Variants in FAM131B observed in about 807,000 individuals in gnomAD.
FAM131B encodes family with sequence similarity 131 member B.
In FAM131B, 19 loss-of-function variants were observed where a neutral mutation model predicts 42.0. The observed-to-expected ratio is 0.45, with a 90% CI of 0.32 to 0.66. The LOEUF (loss-of-function observed/expected upper bound fraction) is 0.66. FAM131B is among the 30% of genes least tolerant of loss of function. The pLI is 0.05. For missense variants in FAM131B, 370 were observed against 468.4 expected (o/e 0.79, Z 1.94); for synonymous variants, 183 against 177.6 (o/e 1.03, Z -0.24).
the FAM131B span, among the ~76,000 whole-genome samples, chr7:143,371,137 T>C: frequency 1.3e-5 from 2 of 152,154 alleles, no homozygotes; most frequent in African/African-American, 4.8e-5. Context: ...CTACCTACTC[T>C]ATGTCAGTAC....
upstream of FAM131B, among the ~76,000 whole-genome samples, chr7:143,366,361 C>A (rs1387019270): frequency 1.3e-5 from 2 of 152,140 alleles, no homozygotes; most frequent in African/African-American, 4.8e-5. Flanking sequence ...CCCTACTTAT[C>A]AATGTCCTTG....
the FAM131B span, chr7:143,382,089 C>G: frequency 1.5e-6 from 1 of 659,530 alleles, no homozygotes; most frequent in South Asian, 2.0e-5. Flanking sequence ...CTTTCCTGAC[C>G]TGGTACTCCC....
Position 143,359,194 on chromosome 7 carries a change from C to A in FAM131B, c.268+132G>T. 1 of 1,022,196 alleles carries A rather than the reference C, an allele frequency of 9.8e-7. No homozygotes were observed. Among genetic ancestry groups the A allele is most frequent in the Non-Finnish European group, 1.5e-6 (1 of 680,106 alleles). 63.3% of individuals were successfully genotyped at this position (1,022,196 alleles called of 1,614,324 possible). A position where few individuals can be genotyped will look rare whatever the true frequency, so the allele number is the denominator to read the frequency against. On this transcript the variant is annotated intron_variant, in intron 4 of 6. Coordinates refer to ENST00000443739, the MANE Select transcript of FAM131B (RefSeq NM_001031690.3). The surrounding 1 kb of genome is among the most constrained non-coding windows in gnomAD (Gnocchi z 5.4). ...AGGGAATGGCCTGGAGGATGGGAGGCTTGACAGAAGGGTGAATAGGTCAGG... is the reference window on the plus strand; with the variant it reads ...AGGGAATGGCCTGGAGGATGGGAGGATTGACAGAAGGGTGAATAGGTCAGG...
rs772207803 is a variant in FAM131B at position 143,357,429 on chromosome 7, G to T, written c.467-6C>A. 1 of 1,602,830 alleles carries T rather than the reference G, an allele frequency of 6.2e-7. No individual in the cohort carries two copies. Among genetic ancestry groups the T allele is most frequent in the Non-Finnish European group, 8.5e-7 (1 of 1,175,176 alleles). ...AGCAAACTGCTCCATGACGCCTGGGGGAAGAAATGCAACAACCACAAAATA... is the reference window on the plus strand; with the variant it reads ...AGCAAACTGCTCCATGACGCCTGGGTGAAGAAATGCAACAACCACAAAATA... On this transcript the variant is annotated splice_region_variant and splice_polypyrimidine_tract_variant and intron_variant, in intron 5 of 6. Coordinates refer to ENST00000443739, the MANE Select transcript of FAM131B (RefSeq NM_001031690.3).
chr7:143,357,049 G>T, intron 6 of FAM131B, 27 bp from the exon 7 acceptor site: 1 of 1,529,292 alleles, frequency 6.5e-7, no homozygotes, highest in Non-Finnish European at 9.1e-7. Flanking sequence ...GGAGGTCAGT[G>T]GGGCCACAGA....
rs1057033392 is a variant in FAM131B at position 143,356,627 on chromosome 7, G to C, written c.1006C>G (p.Leu336Val). ...PREDPEMSTA[L>V]SRKVSDVTSS... The stretch of plus-strand genomic sequence containing the variant: ...GTGACGTCAGACACCTTCCGGCTGA[G>C]AGCGGTAGACATCTCAGGGTCTTCT... The change falls in exon 7 of 7, where the codon CTC (leucine) becomes GTC (valine). Residue 336 changes from leucine (L) to valine (V), a missense_variant. Leu to Val is a conservative substitution (Grantham distance 32). Coordinates refer to ENST00000443739, the MANE Select transcript of FAM131B (RefSeq NM_001031690.3). The surrounding 1 kb of genome is among the most constrained non-coding windows in gnomAD (Gnocchi z 4.4). 6 of 1,613,962 alleles carry C rather than the reference G, an allele frequency of 3.7e-6. No homozygotes were observed. The highest frequency in any genetic ancestry group is 1.3e-5 in the African/African-American group (1 of 74,882).
Position 143,362,441 on chromosome 7 carries a change from A to C in FAM131B, c.28+135T>G, listed in dbSNP as rs1804046650. 1 of 347,486 alleles carries C rather than the reference A, an allele frequency of 2.9e-6. No individual in the cohort carries two copies. 21.5% of individuals were successfully genotyped at this position (347,486 alleles called of 1,614,324 possible). On this transcript the variant is annotated intron_variant, in intron 1 of 6. Transcript: ENST00000443739. This position sits in a 1 kb window ranked among gnomAD's most constrained non-coding sequence, Gnocchi z 7.7. ...GACAGAGGGACCGCGGGCGGACGGA[A>C]GGAAAGTGAAGGAGCTAGCAGGGCA...
Position 143,358,482 on chromosome 7 carries a change from G to C in FAM131B, c.466+345C>G, listed in dbSNP as rs117090328. ...ATGCTAAAGGGCAAAGGCTAAAAGA[G>C]ATCCCCAAGGCCTTTCTTTCTTTCA... On this transcript the variant is annotated intron_variant, in intron 5 of 6. Transcript: ENST00000443739. The surrounding 1 kb of genome is among the most constrained non-coding windows in gnomAD (Gnocchi z 4.7). Among the ~76,000 whole-genome samples the C allele has an allele frequency of 0.027, 4,163 of 152,274 alleles. 76 individuals are homozygous for C. The highest frequency in any genetic ancestry group is 0.043 in the Non-Finnish European group (2,958 of 68,012).
At position 143,356,350 on chromosome 7, in the gene FAM131B, T is replaced by A. The variant is rs1803652019; in HGVS notation, c.*200A>T. 3.5e-6 allele frequency: 2 copies of A among 572,292 alleles called. No individual in the cohort carries two copies. Among genetic ancestry groups the A allele is most frequent in the African/African-American group, 1.9e-5 (1 of 52,922 alleles). The allele number at this position is 572,292 out of a possible 1,614,324, so 35.5% of individuals were successfully genotyped here. On this transcript the variant is annotated 3_prime_UTR_variant, in exon 7 of 7. Transcript: ENST00000443739. This position sits in a 1 kb window ranked among gnomAD's most constrained non-coding sequence, Gnocchi z 4.4. ...GGCCATCTAGTTGCCCAGGTCTCAG[T>A]TCCCAGGCCTGTGGGTTTCTAGAGT...
intron 5 of FAM131B, 88 bp from the exon 6 acceptor site, chr7:143,357,511 G>T: frequency 9.0e-7 from 1 of 1,106,828 alleles, no homozygotes. Flanking sequence ...GTGCAGCACT[G>T]TTCAGTAGAA....
At chr7:143,374,226 C>A in the FAM131B span, among the ~76,000 whole-genome samples, 1 of 152,118 alleles carries the variant, frequency 6.6e-6, no homozygotes, top group Non-Finnish European at 1.5e-5. Flanking sequence ...ATTCTCAGTA[C>A]GTCCAGAATG....
Position 143,362,606 on chromosome 7 carries a change from C to G in FAM131B, c.-3G>C. ...GTCCGGGAGCCGATGCAGCCCATGG[C>G]TCCGGGGGCCGCAGAGCCGGGCCCT... On this transcript the variant is annotated 5_prime_UTR_variant, in exon 1 of 7. Transcript: ENST00000443739. The surrounding 1 kb of genome is among the most constrained non-coding windows in gnomAD (Gnocchi z 7.7). The G allele has an allele frequency of 8.2e-7, 1 of 1,216,888 alleles. No homozygotes were observed. Among genetic ancestry groups the G allele is most frequent in the Non-Finnish European group, 1.0e-6 (1 of 978,244 alleles). The allele number at this position is 1,216,888 out of a possible 1,614,324, so 75.4% of individuals were successfully genotyped here. A position where few individuals can be genotyped will look rare whatever the true frequency, so the allele number is the denominator to read the frequency against.
At chr7:143,374,622 G>A in the FAM131B span, among the ~76,000 whole-genome samples, 21 of 152,240 alleles carry the variant, frequency 1.4e-4, no homozygotes, top group East Asian at 4.1e-3. Context: ...CCTTTCACAT[G>A]CTCTGCAACC....
chr7:143,354,221 G>T lies in FAM131B; in HGVS notation c.*2329C>A, dbSNP rs996481271. On this transcript the variant is annotated 3_prime_UTR_variant, in exon 7 of 7. Coordinates refer to ENST00000443739, the MANE Select transcript of FAM131B (RefSeq NM_001031690.3). ...TATGCCAGCACCCTGGGGAAAGCAG[G>T]TTCATGTATGAACCCTGCTAGAGTC... 6.6e-6 allele frequency: 1 copy of T among 152,480 alleles called. No homozygotes were observed. Among genetic ancestry groups the T allele is most frequent in the African/African-American group, 2.4e-5 (1 of 41,414 alleles). The allele number at this position is 152,480 out of a possible 1,614,324, so 9.4% of individuals were successfully genotyped here.
chr7:143,372,822 C>G, the FAM131B span, among the ~76,000 whole-genome samples: 7 of 151,828 alleles, frequency 4.6e-5, no homozygotes, highest in Non-Finnish European at 4.4e-5. Context: ...AACCAGGTGT[C>G]GTGGTGGGCA....
rs1803840053 is a variant in FAM131B, at chr7:143,359,372, G to A, written c.222C>T (p.Asn74=). 1 of 1,613,794 alleles carries A rather than the reference G, an allele frequency of 6.2e-7. No homozygotes were observed. ...GGGCCCCAATGCCATAGGCGTTAGA[G>A]TTTCGCTTAAGCTTCGGAAGAATGG... ...TTSILPKLKR[N]SNAYGIGALA... Residue 74 remains asparagine (N), a synonymous_variant, in exon 4 of 7, where the codon AAC becomes AAT. Transcript: ENST00000443739. This position sits in a 1 kb window ranked among gnomAD's most constrained non-coding sequence, Gnocchi z 5.4.
At position 143,356,590 on chromosome 7, in the gene FAM131B, A is replaced by G; in HGVS notation, c.1043T>C (p.Val348Ala). The G allele has an allele frequency of 6.2e-7, 1 of 1,613,940 alleles. No individual in the cohort carries two copies. Among genetic ancestry groups the G allele is most frequent in the Non-Finnish European group, 8.5e-7 (1 of 1,179,970 alleles). The change falls in exon 7 of 7, where the codon GTG becomes GCG. Residue 348 changes from valine to alanine, a missense_variant. Coordinates refer to ENST00000443739, the MANE Select transcript of FAM131B (RefSeq NM_001031690.3). The surrounding 1 kb of genome is among the most constrained non-coding windows in gnomAD (Gnocchi z 4.4). ...RKVSDVTSSG[V>A]QSFDEEEGEA... ...GCCTTCCTCCTCATCAAAGGACTGC[A>G]CACCTGAGGATGTGACGTCAGACAC...
chr7:143,356,785 C>A lies in FAM131B; in HGVS notation c.848G>T (p.Gly283Val), dbSNP rs751031744. The A allele has an allele frequency of 1.2e-6, 2 of 1,613,930 alleles. No homozygotes were observed. The highest frequency in any genetic ancestry group is 2.7e-5 in the African/African-American group (2 of 74,898). ...SALEPPPLLG[G>V]DTDWAPGVGA... ...TACCCCCGGAGCCCAGTCAGTGTCTCCCCCCAGCAAAGGTGGAGGCTCCAG... is the reference window on the plus strand; with the variant it reads ...TACCCCCGGAGCCCAGTCAGTGTCTACCCCCAGCAAAGGTGGAGGCTCCAG... The change falls in exon 7 of 7, where the codon GGA (glycine) becomes GTA (valine). Residue 283 changes from glycine (G) to valine (V), a missense_variant. Coordinates refer to ENST00000443739, the MANE Select transcript of FAM131B (RefSeq NM_001031690.3). This position sits in a 1 kb window ranked among gnomAD's most constrained non-coding sequence, Gnocchi z 4.4.
the FAM131B span, chr7:143,381,705 A>G: frequency 6.2e-7 from 1 of 1,604,472 alleles, no homozygotes; most frequent in Non-Finnish European, 8.5e-7. Flanking sequence ...GGGGACAGCG[A>G]GCCTCCCCCG....
Sources: allele counts gnomAD v4.1 joint callset (sites outside exome capture counted in the v4.1 genomes callset), GRCh38; gene constraint gnomAD v4.1.1; non-coding constraint Gnocchi (gnomAD v3.1); transcripts MANE v1.5; gene names NCBI Gene and HGNC (gene_info 2026-07-23, HGNC 2026-07-21).